ZNF804B: variants seen among roughly 807,000 people sequenced by gnomAD.
ZNF804B encodes zinc finger protein 804B.
Under a neutral mutation model 101.4 loss-of-function variants are expected in ZNF804B, and 80 were observed. The ratio of observed to expected loss-of-function variants is 0.79; its 90% CI spans 0.66 to 0.95. The LOEUF (loss-of-function observed/expected upper bound fraction) is 0.95. Ranked by LOEUF, ZNF804B falls within the 40% of genes least tolerant of loss-of-function variation. The pLI, the probability that ZNF804B is intolerant of heterozygous loss-of-function variation, is 0.00. For synonymous variants in ZNF804B, 622 were observed against 558.8 expected, an observed-to-expected ratio of 1.11 and a Z score of -1.59; for missense variants, 1,673 against 1,561.9, an observed-to-expected ratio of 1.07 and a Z score of -1.20.
At chr7:89,227,408 C>G (rs1242803387) in intron 2 of ZNF804B, among the ~76,000 whole-genome samples, 2 of 152,132 alleles carry the variant, frequency 1.3e-5, no homozygotes, top group East Asian at 3.8e-4. Context: ...ATGCCCAGCA[C>G]CATTCCAAAT....
intron 1 of ZNF804B, among the ~76,000 whole-genome samples, chr7:89,168,181 T>C (rs553668311): frequency 5.9e-4 from 90 of 152,270 alleles, no homozygotes; most frequent in South Asian, 2.1e-4. Flanking sequence ...GTAGCCTTTA[T>C]AGTATTTATA....
intron 1 of ZNF804B, among the ~76,000 whole-genome samples, chr7:89,083,635 A>G (rs895080902): frequency 1.3e-5 from 2 of 151,920 alleles, no homozygotes; most frequent in African/African-American, 4.8e-5. Context: ...AAACCGTTAC[A>G]CTTTGGAAAG....
chr7:89,299,144 A>G (rs1790437975), intron 2 of ZNF804B, among the ~76,000 whole-genome samples: 1 of 152,008 alleles, frequency 6.6e-6, no homozygotes, highest in Non-Finnish European at 1.5e-5. Context: ...GATTGCTAGC[A>G]TTTTAAACTC....
chr7:89,156,235 T>G (rs1471708064), intron 1 of ZNF804B, among the ~76,000 whole-genome samples: 1 of 151,984 alleles, frequency 6.6e-6, no homozygotes, highest in African/African-American at 2.4e-5. Flanking sequence ...TGCCTCAGCC[T>G]CCCGAGTAGC....
chr7:89,266,903 G>A (rs895757423), intron 2 of ZNF804B, among the ~76,000 whole-genome samples: 4 of 152,022 alleles, frequency 2.6e-5, no homozygotes, highest in African/African-American at 9.7e-5. Context: ...CTTTGGGAGT[G>A]TTGGCAATGG....
intron 2 of ZNF804B, among the ~76,000 whole-genome samples, chr7:89,271,444 T>C (rs200714827): frequency 6.6e-6 from 1 of 152,208 alleles, no homozygotes; most frequent in Admixed American, 6.5e-5. Context: ...ATAAGCTTTT[T>C]GATATGTTGC....
intron 1 of ZNF804B, among the ~76,000 whole-genome samples, chr7:88,782,821 C>A (rs1790249897): frequency 6.6e-6 from 1 of 152,084 alleles, no homozygotes; most frequent in African/African-American, 2.4e-5. Context: ...GTGTAAATAT[C>A]TTTAGCAGCA....
rs2373397 is a variant in ZNF804B, at chr7:88,794,282, C to T, written c.108+34198C>T. Reference sequence around the variant, plus strand: ...AATGTTGCCGGGTCCATGAATTCTTCGGATTTGCACAAGTACTTTATGATT... The same window carrying T: ...AATGTTGCCGGGTCCATGAATTCTTTGGATTTGCACAAGTACTTTATGATT... On this transcript the variant is annotated intron_variant, in intron 1 of 3. Transcript: ENST00000333190. 4.8e-5 allele frequency: 78 copies of T among 1,613,784 alleles called. No homozygotes were observed. In the Middle Eastern group the frequency reaches 8.3e-4, roughly 17 times the overall value.
At chr7:88,931,019 T>A (rs1792876745) in intron 1 of ZNF804B, among the ~76,000 whole-genome samples, 1 of 151,888 alleles carries the variant, frequency 6.6e-6, no homozygotes, top group South Asian at 2.1e-4. Context: ...CCATAACATT[T>A]ATAATTCAGT....
intron 1 of ZNF804B, among the ~76,000 whole-genome samples, chr7:88,884,710 T>A (rs2115915181): frequency 6.6e-6 from 1 of 152,072 alleles, no homozygotes; most frequent in South Asian, 2.1e-4. Flanking sequence ...ATCATTTACC[T>A]AGTAAATTGC....
intron 2 of ZNF804B, among the ~76,000 whole-genome samples, chr7:89,295,230 T>G (rs1790363439): frequency 6.6e-6 from 1 of 152,188 alleles, no homozygotes; most frequent in South Asian, 2.1e-4. Context: ...CATTTTTATA[T>G]TTCTCTGGTC....
intron 1 of ZNF804B, among the ~76,000 whole-genome samples, chr7:88,926,944 G>GGGGC (rs1554346838): frequency 9.3e-5 from 8 of 85,752 alleles, no homozygotes; most frequent in East Asian, 8.8e-4. Flanking sequence ...GGTGGGGAGC[G>GGGGC]GGGGGAAAGC....
intron 1 of ZNF804B, among the ~76,000 whole-genome samples, chr7:89,194,771 G>A (rs1187821505): frequency 6.6e-6 from 1 of 150,758 alleles, no homozygotes. Flanking sequence ...TGTTCTTTTG[G>A]CTTAGGATTG....
chr7:88,875,966 G>T (rs560725589), intron 1 of ZNF804B, among the ~76,000 whole-genome samples: 5 of 152,174 alleles, frequency 3.3e-5, no homozygotes, highest in East Asian at 1.9e-4. Flanking sequence ...TCCACTGTGA[G>T]CAAGTGGGCT....
chr7:88,777,071 A>T (rs1014679912), intron 1 of ZNF804B, among the ~76,000 whole-genome samples: 10 of 152,280 alleles, frequency 6.6e-5, no homozygotes, highest in Non-Finnish European at 1.2e-4. Context: ...ACAAGCATGT[A>T]CCTGGGAGTG....
At chr7:88,862,563 C>T (rs1262586421) in intron 1 of ZNF804B, among the ~76,000 whole-genome samples, 1 of 152,146 alleles carries the variant, frequency 6.6e-6, no homozygotes, top group East Asian at 1.9e-4. Flanking sequence ...ATTTATTCCA[C>T]GGGTCCTAAA....
At chr7:88,772,027 A>C (rs1790073437) in intron 1 of ZNF804B, among the ~76,000 whole-genome samples, 1 of 152,192 alleles carries the variant, frequency 6.6e-6, no homozygotes, top group Non-Finnish European at 1.5e-5. Context: ...AATTTTTGTC[A>C]CTATGGAAGC....
chr7:88,770,328 C>G (rs1790043890), intron 1 of ZNF804B, among the ~76,000 whole-genome samples: 1 of 152,056 alleles, frequency 6.6e-6, no homozygotes, highest in Admixed American at 6.5e-5. Flanking sequence ...AAGAGGGAGG[C>G]ATGAATGTCA....
chr7:88,827,740 G>T (rs1791070264), intron 1 of ZNF804B, among the ~76,000 whole-genome samples: 1 of 152,008 alleles, frequency 6.6e-6, no homozygotes, highest in Non-Finnish European at 1.5e-5. Context: ...TGTGCAGCAT[G>T]CCGTATTTCC....
Sources: gnomAD v4.1 joint callset for allele counts (sites outside exome capture counted in the v4.1 genomes callset) on GRCh38, gnomAD v4.1.1 for gene constraint, MANE v1.5 for transcripts, NCBI Gene and HGNC (gene_info 2026-07-23, HGNC 2026-07-21) for gene names.